ZYG11B: variants seen among roughly 807,000 people sequenced by gnomAD.
The protein encoded by ZYG11B is protein zyg-11 homolog B.
Under a neutral mutation model 82.4 loss-of-function variants are expected in ZYG11B, and 36 were observed. The observed-to-expected ratio is 0.44, with a 90% CI of 0.33 to 0.58. The LOEUF is 0.58. Among genes scored for constraint, ZYG11B ranks in the 20% least tolerant of loss-of-function variants. The pLI is 0.02. For missense variants in ZYG11B, 552 were observed against 895.6 expected, an observed-to-expected ratio of 0.62 and a Z score of 4.90; for synonymous variants, 303 against 312.8, an observed-to-expected ratio of 0.97 and a Z score of 0.33.
chr1:52,757,675 AAAAC>A (rs1028461915), intron 2 of ZYG11B, among the ~76,000 whole-genome samples: 12 of 151,938 alleles, frequency 7.9e-5, no homozygotes, highest in African/African-American at 2.2e-4. Flanking sequence ...ACTCTGTCTC[AAAAC>A]AAACAAACTA....
chr1:52,803,117 T>TATAC lies in ZYG11B; in HGVS notation c.1695+979_1695+980insTACA, dbSNP rs1175820440. Among the ~76,000 whole-genome samples, 8 of 25,220 alleles carry TATAC rather than the reference T, an allele frequency of 3.2e-4. 1 individual carries two copies. In the South Asian group the frequency reaches 9.9e-3, roughly 31 times the overall value. 16.5% of individuals were successfully genotyped at this position (25,220 alleles called of 152,430 possible). A position where few individuals can be genotyped will look rare whatever the true frequency, so the allele number is the denominator to read the frequency against. On this transcript the variant is annotated intron_variant, in intron 10 of 13. Transcript: ENST00000294353. Reference sequence around the variant, plus strand: ...ATATATACATATATATATATATATATACACACATATATATATACACACATA... The same window carrying TATAC: ...ATATATACATATATATATATATATATATACACACACATATATATATACACACATA...
chr1:52,783,993 T>TAGAGAGAGAG lies in ZYG11B; in HGVS notation c.1093-883_1093-882insGAGAGAGAGA, dbSNP rs1340249345. Among the ~76,000 whole-genome samples, 161 of 136,848 alleles carry TAGAGAGAGAG rather than the reference T, an allele frequency of 1.2e-3. No homozygotes were observed. The South Asian group carries it at 0.024, about 20-fold the overall frequency. The allele number at this position is 136,848 out of a possible 152,430, so 89.8% of individuals were successfully genotyped here. A position where few individuals can be genotyped will look rare whatever the true frequency, so the allele number is the denominator to read the frequency against. On this transcript the variant is annotated intron_variant, in intron 4 of 13. Transcript: ENST00000294353. ...ATATACACACACACACACATATATA[T>TAGAGAGAGAG]ATATAGAGAGAGAGAGAGATGGAGT...
chr1:52,803,087 CATATATATATACATATAT>C lies in ZYG11B; in HGVS notation c.1695+960_1695+977del, dbSNP rs1645092726. On this transcript the variant is annotated intron_variant, in intron 10 of 13. Coordinates refer to ENST00000294353, the MANE Select transcript of ZYG11B (RefSeq NM_024646.3). Reference sequence around the variant, plus strand: ...TTGCCACTATATATATATATATACACATATATATATACATATATATATATATATATACACACATATATA... The same window carrying C: ...TTGCCACTATATATATATATATACACATATATATATATACACACATATATA... Among the ~76,000 whole-genome samples, 52 of 22,548 alleles carry C rather than the reference CATATATATATACATATAT, an allele frequency of 2.3e-3. 5 individuals are homozygous for C. Among genetic ancestry groups the C allele is most frequent in the African/African-American group, 5.2e-3 (50 of 9,526 alleles). The allele number at this position is 22,548 out of a possible 152,430, so 14.8% of individuals were successfully genotyped here. A position where few individuals can be genotyped will look rare whatever the true frequency, so the allele number is the denominator to read the frequency against.
chr1:52,747,182 T>C (rs1234273479), intron 1 of ZYG11B, among the ~76,000 whole-genome samples: 2 of 152,154 alleles, frequency 1.3e-5, no homozygotes, highest in Non-Finnish European at 2.9e-5. Flanking sequence ...AACACTTGCC[T>C]GTCTACTAGG....
chr1:52,810,281 G>T (rs1209243523), intron 10 of ZYG11B, among the ~76,000 whole-genome samples: 3 of 152,134 alleles, frequency 2.0e-5, no homozygotes, highest in African/African-American at 7.2e-5. Context: ...CCCTCTGTGA[G>T]CACTATGCAC....
At chr1:52,803,265 TACACACACACACAC>T (rs1227030663) in intron 10 of ZYG11B, among the ~76,000 whole-genome samples, 1 of 72,348 alleles carries the variant, frequency 1.4e-5, no homozygotes, top group African/African-American at 6.2e-5. Flanking sequence ...TATATATATA[TACACACACACACAC>T]ATATATATAT....
chr1:52,769,696 GC>G (rs773975894), intron 2 of ZYG11B, among the ~76,000 whole-genome samples: 23 of 152,176 alleles, frequency 1.5e-4, no homozygotes, highest in Non-Finnish European at 3.1e-4. Flanking sequence ...AGAGAATAGT[GC>G]TCCCTTTTAA....
rs1184446462 is a variant in ZYG11B, at chr1:52,823,224, CAGG to C, written c.*1600_*1602del. 1 of 151,600 alleles carries C rather than the reference CAGG, an allele frequency of 6.6e-6. No individual in the cohort carries two copies. Among genetic ancestry groups the C allele is most frequent in the Non-Finnish European group, 1.5e-5 (1 of 67,980 alleles). 9.4% of individuals were successfully genotyped at this position (151,600 alleles called of 1,614,324 possible). ...ATCCCAGCACTTTGGGAAGCTGAAG[CAGG>C]AGGATTGCTTGAGCCCAGAAGTTCA... is the stretch of plus-strand genomic sequence containing the variant. On this transcript the variant is annotated 3_prime_UTR_variant, in exon 14 of 14. Transcript: ENST00000294353.
At chr1:52,804,525 A>G (rs1645124905) in intron 10 of ZYG11B, among the ~76,000 whole-genome samples, 1 of 152,094 alleles carries the variant, frequency 6.6e-6, no homozygotes, top group Non-Finnish European at 1.5e-5. Flanking sequence ...AGGCATGAGA[A>G]TCGCTTGAAC....
In ZYG11B at chr1:52,811,891, C is replaced by T. The variant is rs573247756; in HGVS notation, c.1696-1645C>T. 5.3e-5 allele frequency among the ~76,000 whole-genome samples: 8 copies of T among 152,110 alleles called. No homozygotes were observed. In the South Asian group the frequency reaches 1.7e-3, roughly 32 times the overall value. Reference sequence around the variant, plus strand: ...TAAAAATACAAAAAAATTAGCCAGGCATGGTAGCGGTTGCCTGTAGCCCCA... The same window carrying T: ...TAAAAATACAAAAAAATTAGCCAGGTATGGTAGCGGTTGCCTGTAGCCCCA... On this transcript the variant is annotated intron_variant, in intron 10 of 13. Transcript: ENST00000294353.
At chr1:52,819,740 C>T (rs1448592176) in intron 13 of ZYG11B, among the ~76,000 whole-genome samples, 2 of 148,974 alleles carry the variant, frequency 1.3e-5, no homozygotes, top group Non-Finnish European at 3.0e-5. Flanking sequence ...GAGCCGAGAT[C>T]GCACCACTGC....
At chr1:52,761,134 A>G (rs1481079365) in intron 2 of ZYG11B, among the ~76,000 whole-genome samples, 2 of 152,212 alleles carry the variant, frequency 1.3e-5, no homozygotes, top group Admixed American at 6.6e-5. Context: ...TTCAGTACAT[A>G]TACTGTATAG....
intron 2 of ZYG11B, among the ~76,000 whole-genome samples, chr1:52,770,057 G>A (rs1357874708): frequency 5.5e-5 from 8 of 146,728 alleles, no homozygotes; most frequent in Non-Finnish European, 3.0e-5. Context: ...GGAGTGTGGG[G>A]GGAAGCTGTA....
chr1:52,772,092 T>C (rs1644756859), intron 3 of ZYG11B: 2 of 813,826 alleles, frequency 2.5e-6, no homozygotes, highest in Admixed American at 2.1e-5. Context: ...ATGATGATAA[T>C]GTTTAGCTAT....
At chr1:52,803,265 T>TATATACAC (rs1553262855) in intron 10 of ZYG11B, among the ~76,000 whole-genome samples, 6 of 72,348 alleles carry the variant, frequency 8.3e-5, no homozygotes, top group Non-Finnish European at 1.3e-4. Flanking sequence ...TATATATATA[T>TATATACAC]ACACACACAC....
chr1:52,731,149 T>A (rs2149916329), intron 1 of ZYG11B, among the ~76,000 whole-genome samples: 1 of 152,016 alleles, frequency 6.6e-6, no homozygotes, highest in East Asian at 1.9e-4. Context: ...GGCAGGTGCC[T>A]GTAATCCCAG....
chr1:52,792,226 G>A (rs1558135463), intron 6 of ZYG11B, among the ~76,000 whole-genome samples: 1 of 152,060 alleles, frequency 6.6e-6, no homozygotes, highest in Non-Finnish European at 1.5e-5. Context: ...TTGATTGATG[G>A]ATGAATGAAT....
chr1:52,809,557 A>G (rs1353309449), intron 10 of ZYG11B, among the ~76,000 whole-genome samples: 4 of 152,198 alleles, frequency 2.6e-5, no homozygotes, highest in Non-Finnish European at 5.9e-5. Context: ...TTACTGTATC[A>G]TGATAATTCT....
intron 3 of ZYG11B, among the ~76,000 whole-genome samples, chr1:52,776,248 A>ATATATATATATATATAT (rs1425431576): frequency 1.8e-4 from 17 of 94,756 alleles, no homozygotes; most frequent in Non-Finnish European, 3.0e-4. Context: ...ATATATATGC[A>ATATATATATATATATAT]ATAAAGTTGG....
Sources: allele counts gnomAD v4.1 joint callset (sites outside exome capture counted in the v4.1 genomes callset), GRCh38; gene constraint gnomAD v4.1.1; transcripts MANE v1.5; gene names NCBI Gene and HGNC (gene_info 2026-07-23, HGNC 2026-07-21).